PIK3C3: variants seen among roughly 807,000 people sequenced by gnomAD.
The protein encoded by PIK3C3 is PI3-kinase type 3.
Under a neutral mutation model 126.1 loss-of-function variants are expected in PIK3C3, and 95 were observed. The ratio of observed to expected loss-of-function variants is 0.75; its 90% CI spans 0.64 to 0.89. PIK3C3 has a LOEUF of 0.89. Among genes scored for constraint, PIK3C3 ranks in the 40% least tolerant of loss-of-function variants. The probability of loss-of-function intolerance (pLI) is 0.00; values close to 1 mark genes in which losing one functional copy is unlikely to be tolerated. For missense variants in PIK3C3, 829 were observed against 1,063.2 expected (o/e 0.78, Z 3.06); for synonymous variants, 374 against 360.0 (o/e 1.04, Z -0.44).
Position 42,043,777 on chromosome 18 carries a change from G to A in PIK3C3, c.2148G>A (p.Gly716=), listed in dbSNP as rs1458294301. Residue 716 remains glycine (G), a synonymous_variant, in exon 20 of 25, where the codon GGG becomes GGA. Coordinates refer to ENST00000262039, the MANE Select transcript of PIK3C3 (RefSeq NM_002647.4). The stretch of plus-strand genomic sequence containing the variant: ...CACCAAGTGAGAATGGGCCAAATGG[G>A]ATTAGTGCTGAGGTCATGGACACTT... ...KYAPSENGPN[G]ISAEVMDTYV... is the part of the protein sequence containing the mutation. 2 of 1,613,244 alleles carry A rather than the reference G, an allele frequency of 1.2e-6. No individual in the cohort carries two copies. Among genetic ancestry groups the A allele is most frequent in the African/African-American group, 2.7e-5 (2 of 74,884 alleles).
At chr18:42,048,508 A>C (rs1362978207) in intron 20 of PIK3C3, among the ~76,000 whole-genome samples, 1 of 152,204 alleles carries the variant, frequency 6.6e-6, no homozygotes, top group Non-Finnish European at 1.5e-5. Context: ...TTTTCATTTG[A>C]AGGATGGTTA....
chr18:42,000,438 A>G (rs1982230293), intron 9 of PIK3C3, among the ~76,000 whole-genome samples: 1 of 152,178 alleles, frequency 6.6e-6, no homozygotes, highest in South Asian at 2.1e-4. Context: ...GGAGAATCAT[A>G]TACTGACTTA....
chr18:41,958,356 G>A (rs1485137188), intron 2 of PIK3C3, among the ~76,000 whole-genome samples: 1 of 152,094 alleles, frequency 6.6e-6, no homozygotes, highest in Non-Finnish European at 1.5e-5. Context: ...AGACTATGTA[G>A]TGCAGTTCTG....
intron 20 of PIK3C3, among the ~76,000 whole-genome samples, chr18:42,048,922 A>G (rs529365636): frequency 6.6e-6 from 1 of 152,366 alleles, no homozygotes; most frequent in East Asian, 1.9e-4. Context: ...CTGTTTAAGT[A>G]GTTTCAATAA....
At chr18:41,981,564 G>T (rs1981200450) in intron 4 of PIK3C3, among the ~76,000 whole-genome samples, 1 of 152,148 alleles carries the variant, frequency 6.6e-6, no homozygotes, top group African/African-American at 2.4e-5. Flanking sequence ...ATAGGCATAT[G>T]CAAAGTCTCT....
At chr18:41,965,346 G>A (rs1412096465) in intron 3 of PIK3C3, among the ~76,000 whole-genome samples, 1 of 152,200 alleles carries the variant, frequency 6.6e-6, no homozygotes, top group Non-Finnish European at 1.5e-5. Flanking sequence ...CTAGGATGTA[G>A]TTGTGGGAGG....
intron 11 of PIK3C3, among the ~76,000 whole-genome samples, 165 bp from the exon 12 acceptor site, chr18:42,015,311 C>T (rs139602814): frequency 7.2e-5 from 11 of 152,254 alleles, no homozygotes; most frequent in South Asian, 2.1e-4. Context: ...TTTGACCATG[C>T]GCTTTTTCCA....
intron 10 of PIK3C3, among the ~76,000 whole-genome samples, chr18:42,006,529 A>G (rs558219664): frequency 6.6e-6 from 1 of 152,142 alleles, no homozygotes; most frequent in Admixed American, 6.5e-5. Flanking sequence ...CTCTCAGCCA[A>G]CCCCCATCTT....
intron 9 of PIK3C3, among the ~76,000 whole-genome samples, chr18:41,997,739 G>A (rs1295692774): frequency 1.3e-5 from 2 of 152,098 alleles, no homozygotes; most frequent in Non-Finnish European, 2.9e-5. Flanking sequence ...GGAAACTTGA[G>A]CCTCAGAAAG....
In PIK3C3 at chr18:42,064,722, T is replaced by C. The variant is rs1166437724; in HGVS notation, c.2433-18T>C. Reference sequence around the variant, plus strand: ...ATTCTTAATCGTTGCTATTTTTTTCTTTTCTGCTCTTCTTTAGGTATTCTA... The same window carrying C: ...ATTCTTAATCGTTGCTATTTTTTTCCTTTCTGCTCTTCTTTAGGTATTCTA... On this transcript the variant is annotated intron_variant, in intron 22 of 24. Transcript: ENST00000262039. 1 of 1,300,020 alleles carries C rather than the reference T, an allele frequency of 7.7e-7. No homozygotes were observed. The highest frequency in any genetic ancestry group is 1.2e-5 in the South Asian group (1 of 82,066). The allele number at this position is 1,300,020 out of a possible 1,614,324, so 80.5% of individuals were successfully genotyped here.
chr18:42,036,222 G>GT (rs1470400448), intron 16 of PIK3C3, among the ~76,000 whole-genome samples: 1 of 151,992 alleles, frequency 6.6e-6, no homozygotes, highest in Non-Finnish European at 1.5e-5. Context: ...CCATGTTTTT[G>GT]TTTTCCCCCA....
chr18:42,026,596 T>C (rs961045210), intron 13 of PIK3C3: 17 of 152,098 alleles, frequency 1.1e-4, no homozygotes, highest in Non-Finnish European at 1.6e-4. Context: ...GCTGGGACTA[T>C]AGTCGGCGAC....
At chr18:42,039,468 C>G (rs547936884) in intron 18 of PIK3C3, among the ~76,000 whole-genome samples, 125 of 152,262 alleles carry the variant, frequency 8.2e-4, no homozygotes, top group African/African-American at 2.7e-3. Context: ...AAACCTTTAC[C>G]TAGCTTCTAA....
At chr18:42,079,355 A>G (rs922051569) in intron 24 of PIK3C3, among the ~76,000 whole-genome samples, 4 of 152,242 alleles carry the variant, frequency 2.6e-5, no homozygotes, top group African/African-American at 9.6e-5. Flanking sequence ...TAAGTTTGCC[A>G]TCTTATGCAG....
At chr18:41,967,044 T>C (rs991938469) in intron 3 of PIK3C3, among the ~76,000 whole-genome samples, 3 of 152,176 alleles carry the variant, frequency 2.0e-5, no homozygotes, top group African/African-American at 4.8e-5. Flanking sequence ...AAAACAACTT[T>C]TTTTTTTTCC....
chr18:42,070,955 A>G (rs1002590873), intron 24 of PIK3C3, among the ~76,000 whole-genome samples: 5 of 152,222 alleles, frequency 3.3e-5, no homozygotes, highest in African/African-American at 1.2e-4. Context: ...ATAATTCTTG[A>G]GAAGAAACAT....
chr18:42,003,547 G>C (rs1217688783), intron 9 of PIK3C3, among the ~76,000 whole-genome samples: 2 of 152,108 alleles, frequency 1.3e-5, no homozygotes, highest in Non-Finnish European at 2.9e-5. Flanking sequence ...AAAGTGCTGG[G>C]ATTACAGGCA....
intron 4 of PIK3C3, chr18:41,984,977 A>G (rs1981393872): frequency 6.6e-6 from 1 of 152,188 alleles, no homozygotes; most frequent in South Asian, 2.1e-4. Flanking sequence ...AAGTCCAGCT[A>G]TTCTGTTGGA....
At chr18:42,066,170 A>T (rs183272396) in intron 23 of PIK3C3, among the ~76,000 whole-genome samples, 1 of 152,264 alleles carries the variant, frequency 6.6e-6, no homozygotes, top group East Asian at 1.9e-4. Flanking sequence ...ACAGCCTTAG[A>T]TGTTCCTCCA....
Sources: gnomAD v4.1 joint callset for allele counts (sites outside exome capture counted in the v4.1 genomes callset) on GRCh38, gnomAD v4.1.1 for gene constraint, MANE v1.5 for transcripts, NCBI Gene and HGNC (gene_info 2026-07-23, HGNC 2026-07-21) for gene names.